Variants in DCUN1D2 observed in about 807,000 individuals in gnomAD.
The protein encoded by DCUN1D2 is defective in cullin neddylation 1 domain containing 2.
DCUN1D2 carries 29 observed loss-of-function variants against 30.9 expected under a neutral mutation model. The observed-to-expected ratio is 0.94, with a 90% confidence interval of 0.70 to 1.28. DCUN1D2 has a LOEUF of 1.28. Ranked by LOEUF, DCUN1D2 falls within the 50% of genes most tolerant of loss-of-function variation. The pLI is 0.00. For synonymous variants in DCUN1D2, 121 were observed against 115.3 expected (o/e 1.05, Z -0.32); for missense variants, 325 against 316.9 (o/e 1.03, Z -0.19).
At chr13:113,482,552 G>T (rs1022461233) in intron 2 of DCUN1D2, among the ~76,000 whole-genome samples, 6 of 151,970 alleles carry the variant, frequency 3.9e-5, no homozygotes, top group African/African-American at 1.4e-4. Flanking sequence ...TCTGAGCCAA[G>T]ATTTTTTAAA....
At chr13:113,486,238 C>T (rs750526904) in intron 1 of DCUN1D2, among the ~76,000 whole-genome samples, 1 of 151,884 alleles carries the variant, frequency 6.6e-6, no homozygotes, top group African/African-American at 2.4e-5. Flanking sequence ...CCTAAGTGAA[C>T]TGGCGCAGGA....
intron 3 of DCUN1D2, among the ~76,000 whole-genome samples, chr13:113,478,021 T>C (rs1272588486): frequency 6.6e-6 from 1 of 152,226 alleles, no homozygotes; most frequent in Non-Finnish European, 1.5e-5. Context: ...CATTCTCAAA[T>C]GTTCTTCCTT....
At chr13:113,491,529 C>T (rs1433571372), upstream of DCUN1D2, among the ~76,000 whole-genome samples, 1 of 152,072 alleles carries the variant, frequency 6.6e-6, no homozygotes, top group Non-Finnish European at 1.5e-5. Flanking sequence ...CCTCTCTCTC[C>T]CTCCCTGGGG....
intron 5 of DCUN1D2, among the ~76,000 whole-genome samples, chr13:113,460,189 C>T (rs1046482675): frequency 1.3e-5 from 2 of 152,206 alleles, no homozygotes; most frequent in Non-Finnish European, 1.5e-5. Flanking sequence ...GACTGAGTGA[C>T]GTCACCTTCC....
intron 3 of DCUN1D2, chr13:113,475,359 G>A (rs2044597458): frequency 6.6e-6 from 1 of 152,272 alleles, no homozygotes; most frequent in South Asian, 2.1e-4. Flanking sequence ...TGTTACAGCT[G>A]CCTACAGAAC....
chr13:113,461,197 A>T, intron 4 of DCUN1D2, 61 bp from the exon 5 acceptor site: 1 of 1,032,988 alleles, frequency 9.7e-7, no homozygotes, highest in South Asian at 1.4e-5. Flanking sequence ...CTGCACAAAA[A>T]ACGACCACTT....
chr13:113,491,447 C>T (rs1473726739), upstream of DCUN1D2, among the ~76,000 whole-genome samples: 1 of 149,936 alleles, frequency 6.7e-6, no homozygotes, highest in Non-Finnish European at 1.5e-5. Context: ...TCTCCCTCCC[C>T]GGGGCTCCCA....
chr13:113,468,043 TAAAAAAAAAAAAA>T (rs59075073), intron 4 of DCUN1D2, among the ~76,000 whole-genome samples: 3 of 97,212 alleles, frequency 3.1e-5, no homozygotes, highest in Non-Finnish European at 6.1e-5. Context: ...GGATCCATCT[TAAAAAAAAAAAAA>T]AAAAAAAAAG....
intron 1 of DCUN1D2, among the ~76,000 whole-genome samples, chr13:113,485,533 C>T (rs912250837): frequency 6.6e-6 from 1 of 151,764 alleles, no homozygotes; most frequent in Non-Finnish European, 1.5e-5. Flanking sequence ...CAGATACAGA[C>T]CCTTCTGGCC....
chr13:113,476,340 T>A (rs943499926), intron 3 of DCUN1D2, among the ~76,000 whole-genome samples: 2 of 152,224 alleles, frequency 1.3e-5, no homozygotes, highest in Admixed American at 6.5e-5. Flanking sequence ...ACATTTGCTA[T>A]CGTGTCTTAT....
rs768458575 is a variant in DCUN1D2 at position 113,488,688 on chromosome 13, G to T, written c.3+1979C>A. Among the ~76,000 whole-genome samples, 2 of 152,056 alleles carry T rather than the reference G, an allele frequency of 1.3e-5. No individual in the cohort carries two copies. Among genetic ancestry groups the T allele is most frequent in the Admixed American group, 6.5e-5 (1 of 15,272 alleles). On this transcript the variant is annotated intron_variant, in intron 1 of 6. Transcript: ENST00000478244. The surrounding 1 kb of genome is among the most constrained non-coding windows in gnomAD (Gnocchi z 4.3). Reference sequence around the variant, plus strand: ...AGGTCAAATTAACAAAGGCCCAGACGTTGGCAAGAAGCTTCGAGTGCACCC... The same window carrying T: ...AGGTCAAATTAACAAAGGCCCAGACTTTGGCAAGAAGCTTCGAGTGCACCC...
chr13:113,466,651 C>T (rs1358796504), intron 4 of DCUN1D2, among the ~76,000 whole-genome samples: 1 of 152,108 alleles, frequency 6.6e-6, no homozygotes, highest in Admixed American at 6.5e-5. Flanking sequence ...GTCTCCATGG[C>T]TGGTACAGTA....
chr13:113,483,852 C>G lies in DCUN1D2; in HGVS notation c.208G>C (p.Gly70Arg), dbSNP rs1209423971. The change falls in exon 2 of 7, where the codon GGC (glycine) becomes CGC (arginine). Residue 70 changes from glycine to arginine, a missense_variant. Physicochemically the swap from Gly to Arg is moderately radical, Grantham distance 125. Coordinates refer to ENST00000478244, the MANE Select transcript of DCUN1D2 (RefSeq NM_001014283.2). ...VDKKKLERLY[G>R]RYKDPQDENK... is the part of the protein sequence containing the mutation. The stretch of plus-strand genomic sequence containing the variant: ...AGTCTCCTCTTACCTTTGTACCTGC[C>G]GTACAGCCGCTCCAGCTTCTTCTTG... 6.2e-7 allele frequency: 1 copy of G among 1,612,406 alleles called. No homozygotes were observed. Among genetic ancestry groups the G allele is most frequent in the Admixed American group, 1.7e-5 (1 of 60,032 alleles).
chr13:113,466,753 G>A (rs1026655716), intron 4 of DCUN1D2, among the ~76,000 whole-genome samples: 3 of 152,008 alleles, frequency 2.0e-5, no homozygotes, highest in African/African-American at 4.8e-5. Context: ...CCAGGTGGAC[G>A]GGATGGCATA....
Position 113,457,923 on chromosome 13 carries a change from G to A in DCUN1D2, c.*106C>T. On this transcript the variant is annotated 3_prime_UTR_variant, in exon 7 of 7. Transcript: ENST00000478244. ...GATGGCGCCTCTGGTTTCATGGCTG[G>A]TCAAGAATGACTTCTGGAATCAGCG... 1 of 1,102,864 alleles carries A rather than the reference G, an allele frequency of 9.1e-7. No homozygotes were observed. The highest frequency in any genetic ancestry group is 1.3e-5 in the South Asian group (1 of 75,848). 68.3% of individuals were successfully genotyped at this position (1,102,864 alleles called of 1,614,324 possible). A position where few individuals can be genotyped will look rare whatever the true frequency, so the allele number is the denominator to read the frequency against.
chr13:113,490,532 C>G lies in DCUN1D2; in HGVS notation c.3+135G>C. The G allele has an allele frequency of 1.0e-6, 1 of 953,062 alleles. No individual in the cohort carries two copies. Among genetic ancestry groups the G allele is most frequent in the African/African-American group, 1.7e-5 (1 of 57,332 alleles). The allele number at this position is 953,062 out of a possible 1,614,324, so 59.0% of individuals were successfully genotyped here. On this transcript the variant is annotated intron_variant, in intron 1 of 6. Transcript: ENST00000478244. This position sits in a 1 kb window ranked among gnomAD's most constrained non-coding sequence, Gnocchi z 5.2. ...GCTCGCGGGCCCGCGGCGCGTTCCT[C>G]CCTCGGATCCACGCGGAACGCCCCG...
At chr13:113,477,127 G>A (rs1302376761) in intron 3 of DCUN1D2, among the ~76,000 whole-genome samples, 2 of 152,168 alleles carry the variant, frequency 1.3e-5, no homozygotes, top group African/African-American at 4.8e-5. Flanking sequence ...CTTTTTGACT[G>A]CGCGTTTTCA....
chr13:113,468,566 A>C (rs2044447059), intron 4 of DCUN1D2, among the ~76,000 whole-genome samples: 1 of 152,222 alleles, frequency 6.6e-6, no homozygotes, highest in Admixed American at 6.5e-5. Context: ...ATAAACCCCC[A>C]AGGACTCCTG....
At position 113,486,386 on chromosome 13, in the gene DCUN1D2, C is replaced by A. The variant is rs189829326; in HGVS notation, c.4-2330G>T. On this transcript the variant is annotated intron_variant, in intron 1 of 6. Coordinates refer to ENST00000478244, the MANE Select transcript of DCUN1D2 (RefSeq NM_001014283.2). ...GGGAGAGGATCCCAAAACTACCCACCGGCTACTGTGCTTAGTACCTGGTTG... is the reference window on the plus strand; with the variant it reads ...GGGAGAGGATCCCAAAACTACCCACAGGCTACTGTGCTTAGTACCTGGTTG... Among the ~76,000 whole-genome samples the A allele has an allele frequency of 1.1e-4, 17 of 152,240 alleles. No individual in the cohort carries two copies. The South Asian group carries it at 3.5e-3, about 32-fold the overall frequency.
Sources: gnomAD v4.1 joint callset for allele counts (sites outside exome capture counted in the v4.1 genomes callset) on GRCh38, gnomAD v4.1.1 for gene constraint, Gnocchi (gnomAD v3.1) non-coding constraint, MANE v1.5 for transcripts, NCBI Gene and HGNC (gene_info 2026-07-23, HGNC 2026-07-21) for gene names.